The following ZNF804B variants were observed in gnomAD, a reference collection of about 807,000 sequenced individuals.
ZNF804B encodes zinc finger protein 804B.
A neutral mutation model predicts 101.4 loss-of-function variants in ZNF804B; 80 were observed. The ratio of observed to expected loss-of-function variants is 0.79; its 90% CI spans 0.66 to 0.95. The LOEUF (loss-of-function observed/expected upper bound fraction) is 0.95, where lower values mean the gene tolerates loss of function less well. Ranked by LOEUF, ZNF804B falls within the 40% of genes least tolerant of loss-of-function variation. The probability of loss-of-function intolerance (pLI) is 0.00; values close to 1 mark genes in which losing one functional copy is unlikely to be tolerated. For missense variants in ZNF804B, 1,673 were observed against 1,561.9 expected (o/e 1.07, Z -1.20); for synonymous variants, 622 against 558.8 (o/e 1.11, Z -1.59).
At chr7:89,062,364 T>TA (rs1789393856) in intron 1 of ZNF804B, among the ~76,000 whole-genome samples, 1 of 152,092 alleles carries the variant, frequency 6.6e-6, no homozygotes, top group Non-Finnish European at 1.5e-5. Context: ...ACCCCATTTT[T>TA]ACCACTCCCA....
chr7:89,112,445 T>TTCTG (rs1790233328), intron 1 of ZNF804B, among the ~76,000 whole-genome samples: 1 of 152,174 alleles, frequency 6.6e-6, no homozygotes, highest in South Asian at 2.1e-4. Flanking sequence ...TTGAGTCTAT[T>TTCTG]TCTGGGCTCT....
chr7:88,889,413 A>G (rs748890369), intron 1 of ZNF804B, among the ~76,000 whole-genome samples: 2 of 152,160 alleles, frequency 1.3e-5, no homozygotes, highest in African/African-American at 4.8e-5. Flanking sequence ...GTAGATAAGC[A>G]TTCCCTTTTC....
At chr7:89,300,084 GC>G (rs1738606742) in intron 2 of ZNF804B, among the ~76,000 whole-genome samples, 2 of 151,254 alleles carry the variant, frequency 1.3e-5, no homozygotes, top group Admixed American at 6.6e-5. Context: ...CTCCAGTCTT[GC>G]CCACTTTATC....
chr7:89,227,981 A>G (rs975034363), intron 2 of ZNF804B, among the ~76,000 whole-genome samples: 3 of 152,196 alleles, frequency 2.0e-5, no homozygotes, highest in African/African-American at 7.2e-5. Context: ...TGAATACACA[A>G]TTAAAAGACA....
intron 1 of ZNF804B, among the ~76,000 whole-genome samples, chr7:88,947,246 C>G (rs1793148041): frequency 6.6e-6 from 1 of 151,932 alleles, no homozygotes; most frequent in Non-Finnish European, 1.5e-5. Context: ...TTCACAATAG[C>G]AAAGACTTGG....
At chr7:89,092,290 C>T (rs988334629) in intron 1 of ZNF804B, among the ~76,000 whole-genome samples, 2 of 151,802 alleles carry the variant, frequency 1.3e-5, no homozygotes, top group Non-Finnish European at 2.9e-5. Flanking sequence ...AAAAGCATTG[C>T]TTTAGGCTTA....
intron 1 of ZNF804B, among the ~76,000 whole-genome samples, chr7:89,034,120 T>C (rs1036218448): frequency 2.0e-5 from 3 of 152,168 alleles, no homozygotes; most frequent in African/African-American, 7.2e-5. Flanking sequence ...ATTTCAAAGT[T>C]GTTTTATGTT....
chr7:88,944,717 T>C (rs1793102321), intron 1 of ZNF804B, among the ~76,000 whole-genome samples: 1 of 151,870 alleles, frequency 6.6e-6, no homozygotes, highest in Admixed American at 6.6e-5. Context: ...GTATTAGTTA[T>C]ATGCAAATAT....
In ZNF804B at chr7:89,337,010, A is replaced by G; in HGVS notation, c.4028A>G (p.Asn1343Ser). The change falls in exon 4 of 4, where the codon AAT (asparagine) becomes AGT (serine). Residue 1343 changes from asparagine (N) to serine (S), a missense_variant. Coordinates refer to ENST00000333190, the MANE Select transcript of ZNF804B (RefSeq NM_181646.5). ...CTAAATGAAGTGAAAGAGGCCTTAA[A>G]TGTGTCCACACACTTGAACTAATAA... is the stretch of plus-strand genomic sequence containing the variant. ...QQLNEVKEALNVSTHLN is the reference protein window; with the variant it reads ...QQLNEVKEALSVSTHLN The G allele has an allele frequency of 6.2e-7, 1 of 1,613,922 alleles. No individual in the cohort carries two copies. The highest frequency in any genetic ancestry group is 2.2e-5 in the East Asian group (1 of 44,858).
intron 1 of ZNF804B, among the ~76,000 whole-genome samples, chr7:89,072,292 G>GATT (rs1300385535): frequency 6.6e-6 from 1 of 152,146 alleles, no homozygotes; most frequent in Non-Finnish European, 1.5e-5. Flanking sequence ...TGGTTAGAAT[G>GATT]GTTTGGCTCA....
intron 1 of ZNF804B, among the ~76,000 whole-genome samples, chr7:88,956,354 T>C (rs1250875590): frequency 6.6e-6 from 1 of 151,542 alleles, no homozygotes; most frequent in Non-Finnish European, 1.5e-5. Context: ...AAGTGTCTTT[T>C]ACATCAACCA....
intron 1 of ZNF804B, among the ~76,000 whole-genome samples, chr7:88,960,954 C>T (rs867988537): frequency 1.3e-5 from 2 of 151,416 alleles, no homozygotes; most frequent in South Asian, 4.1e-4. Context: ...ATGATTTTGT[C>T]ATTGACAAAT....
rs956448238 is a variant in ZNF804B at position 89,057,575 on chromosome 7, G to A, written c.109-160580G>A. On this transcript the variant is annotated intron_variant, in intron 1 of 3. Coordinates refer to ENST00000333190, the MANE Select transcript of ZNF804B (RefSeq NM_181646.5). ...AAGTCACTGCTGGGCACAGAGAAGT[G>A]TTAGTGGAATTTACATTGTTTCTGA... 4.6e-5 allele frequency among the ~76,000 whole-genome samples: 7 copies of A among 152,208 alleles called. No individual in the cohort carries two copies. In the South Asian group the frequency reaches 1.0e-3, roughly 23 times the overall value.
intron 1 of ZNF804B, among the ~76,000 whole-genome samples, chr7:89,207,184 C>T (rs1223198657): frequency 6.6e-6 from 1 of 152,194 alleles, no homozygotes; most frequent in African/African-American, 2.4e-5. Flanking sequence ...TTTACAGCAG[C>T]ACCCCACTCT....
chr7:89,074,309 C>A (rs1446613917), intron 1 of ZNF804B, among the ~76,000 whole-genome samples: 1 of 152,174 alleles, frequency 6.6e-6, no homozygotes, highest in Non-Finnish European at 1.5e-5. Flanking sequence ...TTTGGCTGTG[C>A]CTCCACCCAA....
At chr7:89,289,020 C>G (rs1243416926) in intron 2 of ZNF804B, among the ~76,000 whole-genome samples, 3 of 151,836 alleles carry the variant, frequency 2.0e-5, no homozygotes, top group Non-Finnish European at 4.4e-5. Flanking sequence ...TATGGTAGAC[C>G]ATAATAAGTT....
At chr7:89,042,993 A>T (rs1789040350) in intron 1 of ZNF804B, among the ~76,000 whole-genome samples, 1 of 152,206 alleles carries the variant, frequency 6.6e-6, no homozygotes, top group Admixed American at 6.5e-5. Context: ...ATTCATTTCT[A>T]TATGCCATTT....
intron 1 of ZNF804B, among the ~76,000 whole-genome samples, chr7:88,829,203 A>G (rs1360767228): frequency 6.6e-6 from 1 of 151,856 alleles, no homozygotes; most frequent in Non-Finnish European, 1.5e-5. Flanking sequence ...GGCTCCTCCC[A>G]CCTCAACCTC....
chr7:88,956,949 A>G (rs940906047), intron 1 of ZNF804B, among the ~76,000 whole-genome samples: 9 of 151,386 alleles, frequency 5.9e-5, no homozygotes, highest in African/African-American at 2.2e-4. Context: ...AGAGCAACTT[A>G]TTTTCTTCCT....
Sources: gnomAD v4.1 joint callset for allele counts (sites outside exome capture counted in the v4.1 genomes callset) on GRCh38, gnomAD v4.1.1 for gene constraint, MANE v1.5 for transcripts, NCBI Gene and HGNC (gene_info 2026-07-23, HGNC 2026-07-21) for gene names.